Variants in PDZK1 observed in about 807,000 individuals in gnomAD.
PDZK1 encodes the protein PDZ domain containing 1, also known as Na(+)/H(+) exchange regulatory cofactor NHE-RF3.
In PDZK1, 23 loss-of-function variants were observed where a neutral mutation model predicts 38.1. The observed-to-expected ratio is 0.60, with a 90% confidence interval of 0.43 to 0.85. The LOEUF is 0.85. PDZK1 is among the 40% of genes least tolerant of loss of function. The pLI is 0.00. For synonymous variants in PDZK1, 98 were observed against 186.2 expected, an observed-to-expected ratio of 0.53 and a Z score of 3.86; for missense variants, 297 against 504.3, an observed-to-expected ratio of 0.59 and a Z score of 3.94.
intron 1 of PDZK1, among the ~76,000 whole-genome samples, chr1:145,702,262 C>T (rs1319731999): frequency 6.6e-6 from 1 of 152,116 alleles, no homozygotes; most frequent in Non-Finnish European, 1.5e-5. Context: ...TATGGCAAGA[C>T]TCTGGGCTGG....
chr1:145,687,818 A>T lies in PDZK1; in HGVS notation c.204T>A (p.His68Gln). 1 of 1,611,786 alleles carries T rather than the reference A, an allele frequency of 6.2e-7. No individual in the cohort carries two copies. The highest frequency in any genetic ancestry group is 8.5e-7 in the Non-Finnish European group (1 of 1,177,890). The change falls in exon 2 of 9, where the codon CAT (histidine) becomes CAA (glutamine). Residue 68 changes from histidine (H) to glutamine (Q), a missense_variant. His to Gln is a conservative substitution (Grantham distance 24, BLOSUM62 0). This residue lies in a region of PDZK1 where 159 missense variants were observed against 200.0 expected (regional missense o/e 0.79). Coordinates refer to ENST00000417171, the MANE Select transcript of PDZK1 (RefSeq NM_001201325.2). ...INGVFVDKEE[H>Q]MQVVDLVRKS... ...CCCCAAATGTCTCATTCACCTGCAT[A>T]TGTTCTTCTTTGTCCACAAAGACAC...
intron 1 of PDZK1, among the ~76,000 whole-genome samples, chr1:145,706,874 C>A (rs1272482590): frequency 6.6e-6 from 1 of 151,668 alleles, no homozygotes; most frequent in Non-Finnish European, 1.5e-5. Flanking sequence ...ATCTAGTGGG[C>A]AAGCTAAGTT....
chr1:145,680,578 G>A (rs587709678), intron 5 of PDZK1, among the ~76,000 whole-genome samples: 1 of 152,204 alleles, frequency 6.6e-6, no homozygotes, highest in African/African-American at 2.4e-5. Context: ...AGTTGAAACT[G>A]GACATGGGAG....
intron 8 of PDZK1, among the ~76,000 whole-genome samples, chr1:145,672,506 A>G (rs1174207209): frequency 1.3e-5 from 2 of 151,184 alleles, no homozygotes; most frequent in Non-Finnish European, 2.9e-5. Flanking sequence ...TTGATTTATT[A>G]GCTCTAGACA....
chr1:145,692,707 C>CAAA (rs879949674), intron 1 of PDZK1, among the ~76,000 whole-genome samples: 2 of 102,582 alleles, frequency 1.9e-5, no homozygotes, highest in Non-Finnish European at 4.1e-5. Flanking sequence ...GATTCCGTCT[C>CAAA]AAAAAAAAAA....
chr1:145,683,317 G>T (rs1237842705), intron 3 of PDZK1, among the ~76,000 whole-genome samples: 2 of 152,252 alleles, frequency 1.3e-5, no homozygotes, highest in Non-Finnish European at 2.9e-5. Flanking sequence ...AATCTTGGGT[G>T]GCCTTGGCCC....
intron 3 of PDZK1, among the ~76,000 whole-genome samples, chr1:145,683,226 A>G (rs1654434266): frequency 6.6e-6 from 1 of 152,246 alleles, no homozygotes; most frequent in Non-Finnish European, 1.5e-5. Flanking sequence ...AGGTCCTGGC[A>G]CTGAACTTGA....
chr1:145,672,554 G>A (rs1653183375), intron 8 of PDZK1, among the ~76,000 whole-genome samples, 176 bp downstream of exon 8: 1 of 151,622 alleles, frequency 6.6e-6, no homozygotes, highest in Admixed American at 6.6e-5. Context: ...TAAGAAATTT[G>A]TTGTTCTTAT....
intron 2 of PDZK1, 85 bp downstream of exon 2, chr1:145,687,727 C>T: frequency 8.1e-7 from 1 of 1,240,928 alleles, no homozygotes; most frequent in South Asian, 1.2e-5. Context: ...GAACCAAACT[C>T]TACCAACCCC....
chr1:145,698,232 C>A (rs1655751963), intron 1 of PDZK1, among the ~76,000 whole-genome samples: 1 of 152,058 alleles, frequency 6.6e-6, no homozygotes, highest in Admixed American at 6.6e-5. Flanking sequence ...GGAAAAGCTG[C>A]TGCTTTTCAT....
chr1:145,695,065 CAGA>C (rs1474038252), intron 1 of PDZK1, among the ~76,000 whole-genome samples: 13 of 151,896 alleles, frequency 8.6e-5, no homozygotes, highest in Non-Finnish European at 1.8e-4. Flanking sequence ...TCAACAAGTG[CAGA>C]AGAAGGACGA....
chr1:145,682,861 G>T (rs1356680297), intron 3 of PDZK1, among the ~76,000 whole-genome samples: 4 of 152,150 alleles, frequency 2.6e-5, no homozygotes, highest in African/African-American at 7.2e-5. Context: ...GGCTGCCTTC[G>T]ATTGTCTTGC....
At chr1:145,704,863 G>C (rs1405239359) in intron 1 of PDZK1, among the ~76,000 whole-genome samples, 2 of 152,184 alleles carry the variant, frequency 1.3e-5, no homozygotes, top group African/African-American at 4.8e-5. Context: ...CAGATGCCCT[G>C]AGAGAGGATT....
chr1:145,700,687 A>C (rs1412744886), intron 1 of PDZK1, among the ~76,000 whole-genome samples: 5 of 152,234 alleles, frequency 3.3e-5, no homozygotes, highest in Non-Finnish European at 7.3e-5. Context: ...GGAAAGAAAC[A>C]GCCCAGGTAC....
chr1:145,701,807 G>A (rs1230321856), intron 1 of PDZK1, among the ~76,000 whole-genome samples: 5 of 152,120 alleles, frequency 3.3e-5, no homozygotes, highest in Non-Finnish European at 5.9e-5. Flanking sequence ...AAGAGATAAA[G>A]ACAACTCAAT....
chr1:145,677,218 G>A (rs1245812753), intron 6 of PDZK1, among the ~76,000 whole-genome samples: 13 of 152,170 alleles, frequency 8.5e-5, no homozygotes, highest in African/African-American at 2.7e-4. Context: ...CTCAAATCAG[G>A]TCTCACCATG....
At chr1:145,693,898 G>A (rs781900585) in intron 1 of PDZK1, among the ~76,000 whole-genome samples, 1 of 152,070 alleles carries the variant, frequency 6.6e-6, no homozygotes, top group Admixed American at 6.6e-5. Context: ...AGCCACCCTG[G>A]GCTCACCTTT....
In PDZK1 at chr1:145,672,933, G is replaced by T; in HGVS notation, c.1303C>A (p.Pro435Thr). ...ATTCTATCCACCACCTTCTCATAGG[G>T]TTCATCTAGCACATTCACCCCATTC... ...EVNGVNVLDE[P>T]YEKVVDRIQS... The change falls in exon 8 of 9, where the codon CCC (proline) becomes ACC (threonine). Residue 435 changes from proline to threonine, a missense_variant. Physicochemically the swap from Pro to Thr is conservative, Grantham distance 38 (BLOSUM62 -1). Around this residue, in one of 5 missense-constraint regions of PDZK1, gnomAD observed 49 missense variants for 135.6 expected, o/e 0.36. Coordinates refer to ENST00000417171, the MANE Select transcript of PDZK1 (RefSeq NM_001201325.2). 6.3e-7 allele frequency: 1 copy of T among 1,595,754 alleles called. No individual in the cohort carries two copies. Among genetic ancestry groups the T allele is most frequent in the Non-Finnish European group, 8.6e-7 (1 of 1,165,936 alleles).
intron 1 of PDZK1, among the ~76,000 whole-genome samples, chr1:145,692,426 C>G (rs1559074667): frequency 6.6e-6 from 1 of 152,158 alleles, no homozygotes; most frequent in Non-Finnish European, 1.5e-5. Context: ...AAAAGGAATT[C>G]TGGGCCTGGC....
Sources: allele counts gnomAD v4.1 joint callset (sites outside exome capture counted in the v4.1 genomes callset), GRCh38; gene constraint gnomAD v4.1.1; regional missense constraint gnomAD v4.1.1; transcripts MANE v1.5; gene names NCBI Gene and HGNC (gene_info 2026-07-23, HGNC 2026-07-21).